Variants in ZNF324B observed in about 807,000 individuals in gnomAD.
ZNF324B encodes the protein zinc finger protein 324B.
ZNF324B carries 7 observed loss-of-function variants against 10.6 expected under a neutral mutation model. The ratio of observed to expected loss-of-function variants is 0.66; its 90% CI spans 0.38 to 1.24. The LOEUF (loss-of-function observed/expected upper bound fraction) is 1.24. Ranked by LOEUF, ZNF324B falls within the 50% of genes most tolerant of loss-of-function variation. The pLI is 0.02. For synonymous variants in ZNF324B, 316 were observed against 321.0 expected, an observed-to-expected ratio of 0.98 and a Z score of 0.17; for missense variants, 640 against 764.7, an observed-to-expected ratio of 0.84 and a Z score of 1.92.
At chr19:58,439,799 A>C in the ZNF324B span, 1 of 1,545,634 alleles carries the variant, frequency 6.5e-7, no homozygotes. Context: ...CCCCATTAGA[A>C]CCTGTGGGCT....
upstream of ZNF324B, among the ~76,000 whole-genome samples, chr19:58,447,396 C>T (rs190998629): frequency 1.9e-4 from 29 of 152,322 alleles, no homozygotes; most frequent in East Asian, 5.0e-3. Flanking sequence ...AGAGGAGGCT[C>T]TTGTGTGTAC....
chr19:58,421,615 G>A, the ZNF324B span, among the ~76,000 whole-genome samples: 1 of 152,064 alleles, frequency 6.6e-6, no homozygotes, highest in Non-Finnish European at 1.5e-5. Context: ...CCCTGACCTC[G>A]TGATCCGCCC....
chr19:58,422,794 C>T, the ZNF324B span, among the ~76,000 whole-genome samples: 1 of 151,362 alleles, frequency 6.6e-6, no homozygotes, highest in African/African-American at 2.5e-5. Flanking sequence ...CACAAATAAC[C>T]CCCTTCCAAA....
the ZNF324B span, chr19:58,429,267 T>C: frequency 6.6e-6 from 1 of 152,254 alleles, no homozygotes; most frequent in Non-Finnish European, 1.5e-5. Flanking sequence ...AGGCCTTTGT[T>C]ATCTCAGAGA....
At chr19:58,437,719 G>T in the ZNF324B span, 1 of 985,162 alleles carries the variant, frequency 1.0e-6, no homozygotes, top group Non-Finnish European at 1.2e-6. Context: ...CCATGCACAT[G>T]GCATACCTGA....
the ZNF324B span, chr19:58,444,711 G>C: frequency 2.0e-5 from 3 of 152,364 alleles, no homozygotes; most frequent in African/African-American, 7.2e-5. Flanking sequence ...ATATGGAAAG[G>C]TGTTTGAGGG....
chr19:58,432,178 C>A, the ZNF324B span: 2 of 388,358 alleles, frequency 5.1e-6, no homozygotes, highest in African/African-American at 2.1e-5. Context: ...ACTGCAAAAA[C>A]CACTTTCCTG....
chr19:58,424,118 G>A, the ZNF324B span, among the ~76,000 whole-genome samples: 3 of 151,816 alleles, frequency 2.0e-5, no homozygotes, highest in Non-Finnish European at 2.9e-5. Flanking sequence ...GTGTGGTGGC[G>A]CATGGCTGTA....
chr19:58,437,673 C>A, the ZNF324B span: 1 of 976,294 alleles, frequency 1.0e-6, no homozygotes, highest in Non-Finnish European at 1.2e-6. Flanking sequence ...CCAACCCCTC[C>A]CTGTTCACAC....
At chr19:58,438,018 C>T in the ZNF324B span, among the ~76,000 whole-genome samples, 5 of 152,202 alleles carry the variant, frequency 3.3e-5, no homozygotes, top group Admixed American at 3.3e-4. Flanking sequence ...CTTAGGCTGA[C>T]CCTTTCTGAT....
At chr19:58,434,213 A>T in the ZNF324B span, 1 of 1,613,380 alleles carries the variant, frequency 6.2e-7, no homozygotes, top group East Asian at 2.2e-5. Context: ...CGGCTGAAGG[A>T]TTTACCACAT....
At chr19:58,435,202 T>C in the ZNF324B span, 114 of 1,605,578 alleles carry the variant, frequency 7.1e-5, no homozygotes, top group Non-Finnish European at 8.9e-5. Context: ...CTCTACTCCA[T>C]GCCAAGAACC....
the ZNF324B span, among the ~76,000 whole-genome samples, chr19:58,427,502 C>T: frequency 1.8e-3 from 174 of 98,964 alleles, no homozygotes; most frequent in African/African-American, 3.9e-3. Flanking sequence ...TCCTTTCTTT[C>T]TTTTTCTTTC....
At chr19:58,449,742 T>C (rs2052842503), upstream of ZNF324B, among the ~76,000 whole-genome samples, 1 of 152,244 alleles carries the variant, frequency 6.6e-6, no homozygotes, top group Non-Finnish European at 1.5e-5. Flanking sequence ...GGTGTATTTA[T>C]CCAACGGCTG....
chr19:58,424,339 A>G, the ZNF324B span, among the ~76,000 whole-genome samples: 1 of 152,242 alleles, frequency 6.6e-6, no homozygotes, highest in African/African-American at 2.4e-5. Context: ...AATATATTCG[A>G]CATCTTTTAT....
the ZNF324B span, chr19:58,437,586 A>T: frequency 1.5e-6 from 1 of 674,326 alleles, no homozygotes. Flanking sequence ...AGCCTCTTGT[A>T]CCAGGGCCAT....
chr19:58,446,071 A>G, the ZNF324B span, among the ~76,000 whole-genome samples: 131 of 152,286 alleles, frequency 8.6e-4, no homozygotes, highest in Middle Eastern at 3.4e-3. Context: ...GAAGGCGGAG[A>G]TTGCAGTGAG....
chr19:58,431,634 G>A, the ZNF324B span, among the ~76,000 whole-genome samples: 3 of 152,150 alleles, frequency 2.0e-5, no homozygotes, highest in South Asian at 2.1e-4. Context: ...GTATGGGGGA[G>A]GTCAAAGAAA....
chr19:58,446,597 A>C, the ZNF324B span, among the ~76,000 whole-genome samples: 11 of 48,342 alleles, frequency 2.3e-4, no homozygotes, highest in African/African-American at 3.3e-4. Flanking sequence ...TTTTTTTTTG[A>C]GATGGAGTCT....
Sources: allele counts gnomAD v4.1 joint callset (sites outside exome capture counted in the v4.1 genomes callset), GRCh38; gene constraint gnomAD v4.1.1; transcripts MANE v1.5; gene names NCBI Gene and HGNC (gene_info 2026-07-23, HGNC 2026-07-21).